Variants in HTR4 observed in about 807,000 individuals in gnomAD.
HTR4 encodes the protein 5-hydroxytryptamine (serotonin) receptor 4, G protein-coupled.
Under a neutral mutation model 36.8 loss-of-function variants are expected in HTR4, and 16 were observed. The observed-to-expected ratio is 0.43, with a 90% CI of 0.29 to 0.66. The LOEUF (loss-of-function observed/expected upper bound fraction) is 0.66. Ranked by LOEUF, HTR4 falls within the 30% of genes least tolerant of loss-of-function variation. The pLI is 0.13. For synonymous variants in HTR4, 189 were observed against 185.1 expected (o/e 1.02, Z -0.17); for missense variants, 438 against 490.9 (o/e 0.89, Z 1.02).
At chr5:148,631,316 A>G (rs1753312604) in intron 2 of HTR4, among the ~76,000 whole-genome samples, 1 of 152,154 alleles carries the variant, frequency 6.6e-6, no homozygotes, top group South Asian at 2.1e-4. Flanking sequence ...CCCCTTTTAA[A>G]TGGTACCCAC....
chr5:148,639,078 A>G (rs768612289), intron 1 of HTR4, among the ~76,000 whole-genome samples: 1 of 151,992 alleles, frequency 6.6e-6, no homozygotes, highest in Non-Finnish European at 1.5e-5. Flanking sequence ...AAAGTAAAAG[A>G]AAGGAAGAAA....
At chr5:148,585,834 C>T (rs1761324162) in intron 2 of HTR4, among the ~76,000 whole-genome samples, 4 of 152,204 alleles carry the variant, frequency 2.6e-5, no homozygotes, top group Non-Finnish European at 5.9e-5. Context: ...GAGTTTCCTT[C>T]ATTTCCTACC....
chr5:148,507,573 T>C (rs1275794065), intron 6 of HTR4, among the ~76,000 whole-genome samples: 1 of 119,678 alleles, frequency 8.4e-6, no homozygotes, highest in Non-Finnish European at 1.5e-5. Context: ...CATATAAGTT[T>C]CTTCAAAAAA....
intron 2 of HTR4, among the ~76,000 whole-genome samples, chr5:148,562,478 T>C (rs1006509854): frequency 1.3e-5 from 2 of 152,294 alleles, no homozygotes; most frequent in East Asian, 3.9e-4. Flanking sequence ...CTCATTTTTT[T>C]CTTCTCCTTT....
intron 4 of HTR4, among the ~76,000 whole-genome samples, chr5:148,547,633 C>T (rs1759457464): frequency 6.6e-6 from 1 of 151,792 alleles, no homozygotes; most frequent in Admixed American, 6.6e-5. Flanking sequence ...TGGCTCACAT[C>T]TGTAGTCCCA....
At chr5:148,611,954 G>A (rs949720034) in intron 2 of HTR4, among the ~76,000 whole-genome samples, 4 of 151,938 alleles carry the variant, frequency 2.6e-5, no homozygotes, top group African/African-American at 7.3e-5. Context: ...ATGGTAAAGG[G>A]ATCAATTCAA....
chr5:148,650,558 A>T (rs1754003150), intron 1 of HTR4, among the ~76,000 whole-genome samples: 1 of 152,210 alleles, frequency 6.6e-6, no homozygotes, highest in South Asian at 2.1e-4. Context: ...CAAGAAGAAT[A>T]AAGACAGAGT....
chr5:148,518,670 A>G (rs1029708621), intron 5 of HTR4, among the ~76,000 whole-genome samples: 10 of 152,044 alleles, frequency 6.6e-5, no homozygotes, highest in Non-Finnish European at 1.5e-4. Context: ...ACTCCAGGCT[A>G]CCTCTCTGAC....
At chr5:148,567,643 C>A (rs1295866249) in intron 2 of HTR4, among the ~76,000 whole-genome samples, 1 of 152,090 alleles carries the variant, frequency 6.6e-6, no homozygotes, top group African/African-American at 2.4e-5. Context: ...TCCAATATGT[C>A]AAGTGCGCTC....
intron 3 of HTR4, 126 bp downstream of exon 3, chr5:148,550,011 A>T: frequency 1.0e-6 from 1 of 965,528 alleles, no homozygotes; most frequent in Non-Finnish European, 1.5e-6. Context: ...TTTTATTTTT[A>T]AAATGTTGTT....
In HTR4 at chr5:148,598,723, T is replaced by C. The variant is rs560591352; in HGVS notation, c.26+38266A>G. Among the ~76,000 whole-genome samples, 39 of 152,302 alleles carry C rather than the reference T, an allele frequency of 2.6e-4. No homozygotes were observed. In the South Asian group the frequency reaches 3.1e-3, roughly 12 times the overall value. On this transcript the variant is annotated intron_variant, in intron 2 of 6. Coordinates refer to ENST00000377888, the MANE Select transcript of HTR4 (RefSeq NM_000870.7). Reference sequence around the variant, plus strand: ...TGAGTAAATTCTGACCAAATAATCTTCTACTTAAAGTAAATCTACTTTTTA... The same window carrying C: ...TGAGTAAATTCTGACCAAATAATCTCCTACTTAAAGTAAATCTACTTTTTA...
At chr5:148,646,518 C>T (rs965992637) in intron 1 of HTR4, 4 of 152,180 alleles carry the variant, frequency 2.6e-5, no homozygotes, top group Non-Finnish European at 4.4e-5. Flanking sequence ...GGTGAAAATT[C>T]TTAAGCAAAA....
At chr5:148,524,555 T>C (rs865983368) in intron 4 of HTR4, among the ~76,000 whole-genome samples, 3 of 152,280 alleles carry the variant, frequency 2.0e-5, no homozygotes, top group South Asian at 4.1e-4. Flanking sequence ...TTCTAGACCG[T>C]TCCTGCATGT....
At chr5:148,636,123 T>C (rs565590139) in intron 2 of HTR4, among the ~76,000 whole-genome samples, 1 of 152,294 alleles carries the variant, frequency 6.6e-6, no homozygotes, top group Admixed American at 6.5e-5. Flanking sequence ...ACAGTACATC[T>C]TGGCAACTCA....
At chr5:148,463,163 T>C (rs1755323941) in intron 5 of HTR4, among the ~76,000 whole-genome samples, 1 of 130,174 alleles carries the variant, frequency 7.7e-6, no homozygotes, top group African/African-American at 3.3e-5. Context: ...TTCTTTTTTT[T>C]TCTTTTTTTT....
intron 4 of HTR4, among the ~76,000 whole-genome samples, chr5:148,545,726 C>G (rs1759357429): frequency 6.6e-6 from 1 of 152,020 alleles, no homozygotes; most frequent in African/African-American, 2.4e-5. Flanking sequence ...GCAACTCGGG[C>G]CTGGAGGTGA....
intron 5 of HTR4, among the ~76,000 whole-genome samples, chr5:148,511,829 T>C (rs1757513678): frequency 6.6e-6 from 1 of 152,164 alleles, no homozygotes; most frequent in South Asian, 2.1e-4. Context: ...TTATTGTCAG[T>C]ATGTAGTGGT....
chr5:148,612,066 C>T (rs1393494201), intron 2 of HTR4, among the ~76,000 whole-genome samples: 17 of 152,232 alleles, frequency 1.1e-4, no homozygotes, highest in African/African-American at 3.1e-4. Context: ...TAGACTCCCA[C>T]GCATTAATAA....
intron 2 of HTR4, among the ~76,000 whole-genome samples, chr5:148,602,400 A>C (rs1389092542): frequency 6.6e-6 from 1 of 152,232 alleles, no homozygotes; most frequent in Non-Finnish European, 1.5e-5. Context: ...AGAAGAAATC[A>C]AAATGGGAAT....
Sources: gnomAD v4.1 joint callset for allele counts (sites outside exome capture counted in the v4.1 genomes callset) on GRCh38, gnomAD v4.1.1 for gene constraint, MANE v1.5 for transcripts, NCBI Gene and HGNC (gene_info 2026-07-23, HGNC 2026-07-21) for gene names.